Variants in DACH2 observed in about 807,000 individuals in gnomAD.
DACH2 encodes the protein dachshund family transcription factor 2.
Under a neutral mutation model 35.8 loss-of-function variants are expected in DACH2, and 17 were observed. The ratio of observed to expected loss-of-function variants is 0.48; its 90% confidence interval spans 0.33 to 0.71. DACH2 has a LOEUF of 0.71. Among genes scored for constraint, DACH2 ranks in the 30% least tolerant of loss-of-function variants. The pLI is 0.02. For missense variants in DACH2, 469 were observed against 472.7 expected (o/e 0.99, Z 0.07); for synonymous variants, 195 against 177.3 (o/e 1.10, Z -0.79).
At chrX:86,827,877 A>G (rs1202684491) in intron 11 of DACH2, 1 of 905,169 alleles carries the variant, frequency 1.1e-6, no homozygotes, top group African/African-American at 2.0e-5. Context: ...TCAAATCCTT[A>G]AAATATGGAA....
intron 4 of DACH2, among the ~76,000 whole-genome samples, chrX:86,657,495 C>A (rs956315916): frequency 2.7e-5 from 3 of 111,450 alleles, no homozygotes; most frequent in African/African-American, 9.7e-5. Flanking sequence ...GCTCTGAAAT[C>A]AAGCTGAGTG....
chrX:86,264,659 T>C (rs930197222), intron 1 of DACH2, among the ~76,000 whole-genome samples: 1 of 111,697 alleles, frequency 9.0e-6, no homozygotes, highest in Non-Finnish European at 1.9e-5. Context: ...TGTCTTACAA[T>C]TGAACCAACA....
At chrX:86,751,120 A>G (rs2041767889) in intron 7 of DACH2, among the ~76,000 whole-genome samples, 1 of 111,273 alleles carries the variant, frequency 9.0e-6, no homozygotes, top group Non-Finnish European at 1.9e-5. Context: ...TCATTCTATG[A>G]TACCAAAACT....
chrX:86,159,952 G>A (rs1201054753), intron 1 of DACH2, among the ~76,000 whole-genome samples: 1 of 109,037 alleles, frequency 9.2e-6, no homozygotes, highest in African/African-American at 3.3e-5. Flanking sequence ...CTTTTAATGG[G>A]TCTACAAAAT....
At chrX:86,369,844 C>G (rs1385437814) in intron 1 of DACH2, among the ~76,000 whole-genome samples, 1 of 111,526 alleles carries the variant, frequency 9.0e-6, no homozygotes, top group Non-Finnish European at 1.9e-5. Flanking sequence ...TACTCAGATT[C>G]TAGAACACCA....
intron 1 of DACH2, among the ~76,000 whole-genome samples, chrX:86,190,821 G>C (rs1030161523): frequency 9.0e-6 from 1 of 111,371 alleles, no homozygotes; most frequent in Non-Finnish European, 1.9e-5. Context: ...GCTCATGCCT[G>C]TAATCCCAGC....
intron 1 of DACH2, among the ~76,000 whole-genome samples, chrX:86,350,146 C>A (rs1020367455): frequency 1.8e-5 from 2 of 111,818 alleles, no homozygotes. Context: ...CCAGCCTGGG[C>A]TACAGAGCGA....
intron 2 of DACH2, among the ~76,000 whole-genome samples, chrX:86,441,239 C>A (rs758778758): frequency 2.7e-5 from 3 of 110,895 alleles, no homozygotes; most frequent in Non-Finnish European, 5.7e-5. Context: ...TTGTTATGTT[C>A]ATTAAACATC....
intron 3 of DACH2, among the ~76,000 whole-genome samples, chrX:86,624,034 C>T (rs1171482489): frequency 1.5e-5 from 1 of 66,532 alleles, no homozygotes; most frequent in Non-Finnish European, 2.6e-5. Flanking sequence ...GGCGACAGAG[C>T]GAAACTCCGT....
chrX:86,180,813 A>C (rs1349290936), intron 1 of DACH2, among the ~76,000 whole-genome samples: 1 of 111,861 alleles, frequency 8.9e-6, no homozygotes, highest in African/African-American at 3.3e-5. Context: ...CAATGAGTCT[A>C]ACGTATTGAA....
rs778513441 is a variant in DACH2 at position 86,335,918 on chromosome X, G to A, written c.489-40906G>A. 9.9e-5 allele frequency among the ~76,000 whole-genome samples: 11 copies of A among 111,574 alleles called. No homozygotes were observed. The East Asian group carries it at 2.3e-3, about 23-fold the overall frequency. Reference sequence around the variant, plus strand: ...AACAGCTCTTATTATTTTGAGATACGTTCCATCAATACCTAGTTTATTGAG... The same window carrying A: ...AACAGCTCTTATTATTTTGAGATACATTCCATCAATACCTAGTTTATTGAG... On this transcript the variant is annotated intron_variant, in intron 1 of 11. Coordinates refer to ENST00000373125, the MANE Select transcript of DACH2 (RefSeq NM_053281.3).
At chrX:86,292,335 A>G (rs1369714797) in intron 1 of DACH2, among the ~76,000 whole-genome samples, 4 of 96,705 alleles carry the variant, frequency 4.1e-5, no homozygotes, top group Admixed American at 2.4e-4. Flanking sequence ...TATTAGTCTT[A>G]CTAGCGGTCT....
chrX:86,632,603 G>A (rs145385791), intron 3 of DACH2, among the ~76,000 whole-genome samples: 122 of 110,442 alleles, frequency 1.1e-3, no homozygotes, highest in African/African-American at 3.8e-3. Flanking sequence ...TGGGGACAAG[G>A]TAGTCCCTCC....
intron 7 of DACH2, among the ~76,000 whole-genome samples, chrX:86,762,563 G>A (rs748843786): frequency 8.9e-6 from 1 of 111,775 alleles, no homozygotes; most frequent in East Asian, 2.8e-4. Flanking sequence ...TCTTGATAAT[G>A]AGTAGAAAGA....
At chrX:86,606,474 CTTTCCATGTATTTGTATAG>C (rs954808126) in intron 3 of DACH2, among the ~76,000 whole-genome samples, 1 of 91,879 alleles carries the variant, frequency 1.1e-5, no homozygotes, top group Non-Finnish European at 2.2e-5. Flanking sequence ...ATATTGTTTA[CTTTCCATGTATTTGTATAG>C]TTTCTAAAAT....
At position 86,381,316 on chromosome X, in the gene DACH2, CAT is replaced by C. The variant is rs200244025; in HGVS notation, c.527+4457_527+4458del. 2.9e-3 allele frequency among the ~76,000 whole-genome samples: 327 copies of C among 111,224 alleles called. 4 individuals carry two copies. Among genetic ancestry groups the C allele is most frequent in the Admixed American group, 0.022 (234 of 10,416 alleles). On this transcript the variant is annotated intron_variant, in intron 2 of 11. Transcript: ENST00000373125. ...TTATTCTCTTACGATTATACACATACATATGAAATATTGATTCCGATCACTTA... is the reference window on the plus strand; with the variant it reads ...TTATTCTCTTACGATTATACACATACATGAAATATTGATTCCGATCACTTA...
intron 1 of DACH2, among the ~76,000 whole-genome samples, chrX:86,348,060 C>T (rs1021717319): frequency 9.0e-6 from 1 of 111,308 alleles, no homozygotes; most frequent in Admixed American, 9.6e-5. Flanking sequence ...CTCATAAGAC[C>T]ACCCGTTATA....
intron 6 of DACH2, among the ~76,000 whole-genome samples, chrX:86,738,565 C>A (rs1399863399): frequency 9.0e-6 from 1 of 111,446 alleles, no homozygotes; most frequent in Non-Finnish European, 1.9e-5. Context: ...ATCACCCAGT[C>A]ACATTTATTG....
intron 3 of DACH2, among the ~76,000 whole-genome samples, chrX:86,601,740 G>A (rs951054086): frequency 8.9e-6 from 1 of 112,247 alleles, no homozygotes; most frequent in Non-Finnish European, 1.9e-5. Flanking sequence ...TATAGCAGAA[G>A]AAACTGTGGT....
Sources: allele counts gnomAD v4.1 joint callset (sites outside exome capture counted in the v4.1 genomes callset), GRCh38; gene constraint gnomAD v4.1.1; transcripts MANE v1.5; gene names NCBI Gene and HGNC (gene_info 2026-07-23, HGNC 2026-07-21).